ANKRD12: variants seen among roughly 807,000 people sequenced by gnomAD.
ANKRD12 encodes the protein ankyrin repeat domain-containing protein 12.
Under a neutral mutation model 183.4 loss-of-function variants are expected in ANKRD12, and 85 were observed. That is an observed-to-expected ratio of 0.46 (90% CI 0.39 to 0.56). The LOEUF (loss-of-function observed/expected upper bound fraction) is 0.56. Ranked by LOEUF, ANKRD12 falls within the 20% of genes least tolerant of loss-of-function variation. The pLI is 0.00. For synonymous variants in ANKRD12, 914 were observed against 800.2 expected (o/e 1.14, Z -2.40); for missense variants, 2,405 against 2,357.1 (o/e 1.02, Z -0.42).
At chr18:9,158,713 T>G (rs569186826) in intron 1 of ANKRD12, among the ~76,000 whole-genome samples, 1 of 152,334 alleles carries the variant, frequency 6.6e-6, no homozygotes, top group African/African-American at 2.4e-5. Flanking sequence ...TTCCATGCTG[T>G]ATTCTTTGGA....
intron 8 of ANKRD12, among the ~76,000 whole-genome samples, chr18:9,248,493 A>G (rs534155162): frequency 1.3e-5 from 2 of 152,222 alleles, no homozygotes; most frequent in South Asian, 4.1e-4. Context: ...CTGCTTCACA[A>G]TTGAACAGTC....
At chr18:9,262,786 C>CTTTT (rs775877613) in intron 9 of ANKRD12, among the ~76,000 whole-genome samples, 1,661 of 87,796 alleles carry the variant, frequency 0.019, 487 homozygotes, top group South Asian at 0.044. Flanking sequence ...CCAAGATGTC[C>CTTTT]CTTTTTTTTT....
At chr18:9,194,805 G>C (rs2034674750) in intron 2 of ANKRD12, among the ~76,000 whole-genome samples, 1 of 152,088 alleles carries the variant, frequency 6.6e-6, no homozygotes, top group Non-Finnish European at 1.5e-5. Flanking sequence ...GTTATTAGAA[G>C]TACCATTCAA....
At chr18:9,199,647 T>C (rs748630035) in intron 3 of ANKRD12, among the ~76,000 whole-genome samples, 2 of 152,208 alleles carry the variant, frequency 1.3e-5, no homozygotes, top group Admixed American at 6.5e-5. Flanking sequence ...TTTTTAATGT[T>C]CCTGTATTTA....
chr18:9,264,341 G>A (rs900463209), intron 10 of ANKRD12, among the ~76,000 whole-genome samples: 7 of 152,100 alleles, frequency 4.6e-5, no homozygotes, highest in African/African-American at 7.2e-5. Context: ...AACCTTTATC[G>A]GGTTATTTAT....
intron 1 of ANKRD12, among the ~76,000 whole-genome samples, chr18:9,178,461 T>C (rs144781514): frequency 6.6e-6 from 1 of 152,278 alleles, no homozygotes; most frequent in African/African-American, 2.4e-5. Context: ...GATGTATATG[T>C]GTAGATCTGT....
intron 8 of ANKRD12, among the ~76,000 whole-genome samples, chr18:9,231,824 C>A (rs1226431986): frequency 4.2e-3 from 432 of 102,256 alleles, no homozygotes; most frequent in Middle Eastern, 0.015. Flanking sequence ...GACTCTGTCT[C>A]AAAAAAAAAA....
rs547714900 is a variant in ANKRD12, at chr18:9,281,550, G to A, written c.*424G>A. The A allele has an allele frequency of 7.2e-5, 11 of 153,000 alleles. No individual in the cohort carries two copies. The highest frequency in any genetic ancestry group is 2.6e-4 in the African/African-American group (11 of 41,586). The allele number at this position is 153,000 out of a possible 1,614,324, so 9.5% of individuals were successfully genotyped here. A position where few individuals can be genotyped will look rare whatever the true frequency, so the allele number is the denominator to read the frequency against. ...CTACCAAATAGTTTCTAATGTGGGA[G>A]AAAAACTTGGCACAAAATTTCTTCA... On this transcript the variant is annotated 3_prime_UTR_variant, in exon 13 of 13. Transcript: ENST00000262126.
intron 10 of ANKRD12, among the ~76,000 whole-genome samples, chr18:9,273,775 G>C (rs1484569784): frequency 2.6e-5 from 4 of 152,192 alleles, no homozygotes; most frequent in African/African-American, 7.2e-5. Context: ...TCTCCAGCTG[G>C]GCCTTAAGGT....
chr18:9,235,644 G>A (rs1219915596), intron 8 of ANKRD12: 1 of 456,262 alleles, frequency 2.2e-6, no homozygotes, highest in Non-Finnish European at 4.4e-6. Flanking sequence ...TCAGGATCCA[G>A]CTACCAATTT....
chr18:9,230,993 T>C (rs1385916861), intron 8 of ANKRD12, among the ~76,000 whole-genome samples: 3 of 152,196 alleles, frequency 2.0e-5, no homozygotes, highest in East Asian at 3.9e-4. Context: ...TTCAAGAATT[T>C]TTTTTATTTC....
intron 1 of ANKRD12, among the ~76,000 whole-genome samples, chr18:9,166,497 T>G (rs561434330): frequency 6.7e-6 from 1 of 150,156 alleles, no homozygotes; most frequent in Non-Finnish European, 1.5e-5. Context: ...TTTCATGTGT[T>G]TTTTGGCTGC....
intron 1 of ANKRD12, among the ~76,000 whole-genome samples, chr18:9,178,857 G>A (rs1350181362): frequency 6.6e-6 from 1 of 151,994 alleles, no homozygotes; most frequent in African/African-American, 2.4e-5. Flanking sequence ...TCATTGTACA[G>A]TCTTATATAC....
intron 12 of ANKRD12, 124 bp from the exon 13 acceptor site, chr18:9,280,817 A>G: frequency 1.1e-6 from 1 of 869,878 alleles, no homozygotes; most frequent in Non-Finnish European, 1.8e-6. Context: ...TGGACTTGTA[A>G]TTCAAATGCT....
chr18:9,210,760 C>CT (rs527425965), intron 5 of ANKRD12, among the ~76,000 whole-genome samples: 3,441 of 102,398 alleles, frequency 0.034, 79 homozygotes, highest in South Asian at 0.16. Context: ...GAACCTTACA[C>CT]TTTTTTTTTT....
chr18:9,188,149 A>G (rs1465829370), intron 2 of ANKRD12, among the ~76,000 whole-genome samples: 1 of 152,254 alleles, frequency 6.6e-6, no homozygotes, highest in African/African-American at 2.4e-5. Flanking sequence ...CAGCAATAGC[A>G]GTAGCCAGAG....
chr18:9,244,455 G>T (rs1457314257), intron 8 of ANKRD12, among the ~76,000 whole-genome samples: 1 of 152,018 alleles, frequency 6.6e-6, no homozygotes, highest in South Asian at 2.1e-4. Context: ...GAGTAGCTGG[G>T]ACTATAGATG....
chr18:9,270,478 A>T (rs1432552109), intron 10 of ANKRD12, among the ~76,000 whole-genome samples: 6 of 152,222 alleles, frequency 3.9e-5, no homozygotes, highest in Non-Finnish European at 8.8e-5. Context: ...ACATGGATGA[A>T]GCTGGAAACC....
At chr18:9,186,750 C>CTTT (rs759387137) in intron 2 of ANKRD12, among the ~76,000 whole-genome samples, 54 of 117,246 alleles carry the variant, frequency 4.6e-4, no homozygotes, top group African/African-American at 1.2e-3. Flanking sequence ...CTTTGATTGT[C>CTTT]TTTTTTTTTT....
Sources: allele counts gnomAD v4.1 joint callset (sites outside exome capture counted in the v4.1 genomes callset), GRCh38; gene constraint gnomAD v4.1.1; transcripts MANE v1.5; gene names NCBI Gene and HGNC (gene_info 2026-07-23, HGNC 2026-07-21).